The following DOCK1 variants were observed in gnomAD, a reference collection of about 807,000 sequenced individuals.
DOCK1 encodes the protein dedicator of cytokinesis protein 1.
A neutral mutation model predicts 262.7 loss-of-function variants in DOCK1; 138 were observed. The ratio of observed to expected loss-of-function variants is 0.53; its 90% CI spans 0.46 to 0.61. The LOEUF (loss-of-function observed/expected upper bound fraction) is 0.61, where lower values mean the gene tolerates loss of function less well. Ranked by LOEUF, DOCK1 falls within the 20% of genes least tolerant of loss-of-function variation. The pLI, the probability that DOCK1 is intolerant of heterozygous loss-of-function variation, is 0.00. For missense variants in DOCK1, 1,908 were observed against 2,370.7 expected (o/e 0.80, Z 4.05); for synonymous variants, 866 against 867.4 (o/e 1.00, Z 0.03).
intron 33 of DOCK1, among the ~76,000 whole-genome samples, chr10:127,368,344 G>A (rs1053258906): frequency 2.6e-5 from 4 of 152,016 alleles, no homozygotes; most frequent in African/African-American, 7.3e-5. Flanking sequence ...TTTATGATCC[G>A]GATGCCCCAG....
intron 1 of DOCK1, among the ~76,000 whole-genome samples, chr10:126,912,553 T>C (rs374035691): frequency 7.9e-4 from 119 of 149,958 alleles, no homozygotes; most frequent in Admixed American, 2.2e-3. Flanking sequence ...GGTGAAACCC[T>C]GTCTCTACTA....
At chr10:127,048,762 ATCACTGTT>A (rs1234981647) in intron 21 of DOCK1, among the ~76,000 whole-genome samples, 1 of 152,234 alleles carries the variant, frequency 6.6e-6, no homozygotes, top group Non-Finnish European at 1.5e-5. Context: ...TCTGTTGGGC[ATCACTGTT>A]TCAGAAGCTT....
intron 27 of DOCK1, among the ~76,000 whole-genome samples, chr10:127,230,442 A>G (rs1426498847): frequency 6.6e-6 from 1 of 152,126 alleles, no homozygotes; most frequent in Non-Finnish European, 1.5e-5. Context: ...TAATTATTGT[A>G]TATGGTATGA....
At chr10:127,105,749 T>G (rs12261414) in intron 23 of DOCK1, among the ~76,000 whole-genome samples, 34,100 of 151,954 alleles carry the variant, frequency 0.22, 5,461 homozygotes, top group African/African-American at 0.46. Flanking sequence ...TGAGCATTCT[T>G]TGTAGGTTAG....
intron 29 of DOCK1, among the ~76,000 whole-genome samples, chr10:127,298,546 T>TCC (rs2061576819): frequency 1.3e-5 from 2 of 152,158 alleles, no homozygotes; most frequent in South Asian, 4.1e-4. Flanking sequence ...AGAAAGAATT[T>TCC]CCCCACAGCA....
chr10:127,393,891 CTAA>C (rs959665573), intron 38 of DOCK1, among the ~76,000 whole-genome samples: 3 of 149,504 alleles, frequency 2.0e-5, no homozygotes, highest in Non-Finnish European at 4.4e-5. Context: ...CCTTCCCGAG[CTAA>C]TAATGACTCC....
chr10:127,206,436 G>A (rs984374770), intron 27 of DOCK1, among the ~76,000 whole-genome samples: 10 of 152,090 alleles, frequency 6.6e-5, no homozygotes, highest in Admixed American at 1.3e-4. Flanking sequence ...GAGCCACCGC[G>A]CCCGGCCTAC....
chr10:127,260,677 G>T (rs1242321751), intron 29 of DOCK1, among the ~76,000 whole-genome samples: 2 of 149,274 alleles, frequency 1.3e-5, no homozygotes, highest in East Asian at 4.0e-4. Flanking sequence ...GCATGTGTGT[G>T]CATGTGGGTG....
chr10:127,058,688 A>G (rs962395526), intron 22 of DOCK1, among the ~76,000 whole-genome samples: 10 of 151,084 alleles, frequency 6.6e-5, no homozygotes, highest in African/African-American at 2.5e-4. Flanking sequence ...ATTTTTAACA[A>G]TTATTCTAGA....
intron 23 of DOCK1, among the ~76,000 whole-genome samples, chr10:127,082,866 A>T (rs2046986997): frequency 6.6e-6 from 1 of 152,134 alleles, no homozygotes; most frequent in South Asian, 2.1e-4. Context: ...CCCCAAGCAC[A>T]AAACGACTGC....
At chr10:126,928,904 C>G (rs892597110) in intron 1 of DOCK1, among the ~76,000 whole-genome samples, 1 of 152,244 alleles carries the variant, frequency 6.6e-6, no homozygotes, top group Non-Finnish European at 1.5e-5. Flanking sequence ...GAGGCTTGAT[C>G]TGTTGGTCTA....
chr10:127,032,361 G>A, intron 18 of DOCK1, 41 bp downstream of exon 18: 1 of 1,463,068 alleles, frequency 6.8e-7, no homozygotes, highest in Non-Finnish European at 9.0e-7. Context: ...CAGGAGCTCT[G>A]CCCCAGTCCT....
intron 1 of DOCK1, among the ~76,000 whole-genome samples, chr10:126,911,591 C>T (rs1209722503): frequency 2.6e-5 from 4 of 152,198 alleles, no homozygotes; most frequent in South Asian, 2.1e-4. Context: ...AATGAGGAGG[C>T]GCCCGAGGAG....
intron 23 of DOCK1, among the ~76,000 whole-genome samples, chr10:127,105,278 G>A (rs1287968588): frequency 6.6e-6 from 1 of 152,030 alleles, no homozygotes; most frequent in East Asian, 1.9e-4. Context: ...CTTCATAGTA[G>A]GATGAAAATG....
chr10:127,125,251 G>A (rs1260833515), intron 25 of DOCK1, among the ~76,000 whole-genome samples: 1 of 152,176 alleles, frequency 6.6e-6, no homozygotes, highest in Admixed American at 6.5e-5. Flanking sequence ...GTTTACCTGG[G>A]ATACACACAT....
At chr10:127,160,736 A>AT (rs1337985669) in intron 27 of DOCK1, among the ~76,000 whole-genome samples, 1 of 152,232 alleles carries the variant, frequency 6.6e-6, no homozygotes, top group Non-Finnish European at 1.5e-5. Context: ...TGTTGCAGAT[A>AT]TAAAAAAGGC....
At chr10:127,081,740 A>C (rs2046911266) in intron 23 of DOCK1, among the ~76,000 whole-genome samples, 1 of 152,118 alleles carries the variant, frequency 6.6e-6, no homozygotes, top group African/African-American at 2.4e-5. Context: ...CTTGCCGTGG[A>C]CAAATAGAAT....
rs114193714 is a variant in DOCK1, at chr10:127,278,952, C to A, written c.3044+21523C>A. On this transcript the variant is annotated intron_variant, in intron 29 of 51. Transcript: ENST00000623213. ...CAGAAATGCCAGCATGATGTCCAGG[C>A]CCTAAGGTGCCTACCATGTCCCCAT... Among the ~76,000 whole-genome samples the A allele has an allele frequency of 3.2e-3, 493 of 152,342 alleles. 2 individuals carry two copies. Among genetic ancestry groups the A allele is most frequent in the African/African-American group, 0.01 (426 of 41,582 alleles).
chr10:127,377,661 G>A (rs1452985395), intron 35 of DOCK1, among the ~76,000 whole-genome samples: 1 of 152,056 alleles, frequency 6.6e-6, no homozygotes, highest in East Asian at 1.9e-4. Context: ...GGAGGCCAAG[G>A]AGGGAGGATC....
Sources: gnomAD v4.1 joint callset for allele counts (sites outside exome capture counted in the v4.1 genomes callset) on GRCh38, gnomAD v4.1.1 for gene constraint, MANE v1.5 for transcripts, NCBI Gene and HGNC (gene_info 2026-07-23, HGNC 2026-07-21) for gene names.